The following NMNAT2 variants were observed in gnomAD, a reference collection of about 807,000 sequenced individuals.
The protein encoded by NMNAT2 is nicotinamide nucleotide adenylyltransferase 2.
A neutral mutation model predicts 41.6 loss-of-function variants in NMNAT2; 11 were observed. The observed-to-expected ratio is 0.26, with a 90% confidence interval of 0.17 to 0.44. NMNAT2 has a LOEUF of 0.44. Among genes scored for constraint, NMNAT2 ranks in the 20% least tolerant of loss-of-function variants. The pLI is 1.00. For missense variants in NMNAT2, 288 were observed against 407.7 expected, an observed-to-expected ratio of 0.71 and a Z score of 2.53; for synonymous variants, 148 against 151.2, an observed-to-expected ratio of 0.98 and a Z score of 0.16.
At chr1:183,317,000 G>A (rs1662267811) in intron 1 of NMNAT2, among the ~76,000 whole-genome samples, 1 of 152,154 alleles carries the variant, frequency 6.6e-6, no homozygotes, top group Admixed American at 6.5e-5. Flanking sequence ...CACTAGACCT[G>A]TGCACATTTG....
Position 183,283,999 on chromosome 1 carries a change from C to T in NMNAT2, c.570G>A (p.Glu190=). 6.2e-7 allele frequency: 1 copy of T among 1,614,050 alleles called. No individual in the cohort carries two copies. The highest frequency in any genetic ancestry group is 8.5e-7 in the Non-Finnish European group (1 of 1,179,980). ...ANLGTVMRYE[E]IELRILLLCG... is the part of the protein sequence containing the mutation. ...CACTTTCGCAGTCCCACTCACCAATCTCTTCATACCGCATCACCGTGCCCA... is the reference window on the plus strand; with the variant it reads ...CACTTTCGCAGTCCCACTCACCAATTTCTTCATACCGCATCACCGTGCCCA... The change falls in exon 7 of 11, where the codon GAG becomes GAA. Residue 190 remains glutamate, a synonymous_variant. Coordinates refer to ENST00000287713, the MANE Select transcript of NMNAT2 (RefSeq NM_015039.4).
At chr1:183,299,858 C>T (rs149194500) in intron 1 of NMNAT2, among the ~76,000 whole-genome samples, 78 of 152,192 alleles carry the variant, frequency 5.1e-4, no homozygotes, top group African/African-American at 1.7e-3. Flanking sequence ...TATACATACA[C>T]CTTTTACCAA....
At chr1:183,368,082 A>G (rs1428874608) in intron 1 of NMNAT2, among the ~76,000 whole-genome samples, 4 of 152,206 alleles carry the variant, frequency 2.6e-5, no homozygotes, top group African/African-American at 9.6e-5. Flanking sequence ...TTTGTTTCTT[A>G]TTTCAATTTC....
At chr1:183,282,063 C>T (rs1420927951) in intron 7 of NMNAT2, among the ~76,000 whole-genome samples, 1 of 152,242 alleles carries the variant, frequency 6.6e-6, no homozygotes, top group East Asian at 1.9e-4. Flanking sequence ...CATGCAGCCA[C>T]CACCTGGACC....
intron 7 of NMNAT2, among the ~76,000 whole-genome samples, chr1:183,282,641 G>A (rs1411795737): frequency 6.6e-6 from 1 of 152,216 alleles, no homozygotes; most frequent in African/African-American, 2.4e-5. Context: ...GACCAGGCTG[G>A]AACTGCAGGG....
At chr1:183,282,132 C>T (rs1347749161) in intron 7 of NMNAT2, among the ~76,000 whole-genome samples, 1 of 152,214 alleles carries the variant, frequency 6.6e-6, no homozygotes, top group African/African-American at 2.4e-5. Context: ...TTTCTCGGAA[C>T]CTAAGTGTTC....
intron 8 of NMNAT2, among the ~76,000 whole-genome samples, chr1:183,277,512 CAA>C (rs759856572): frequency 0.088 from 4,189 of 47,432 alleles, 84 homozygotes; most frequent in African/African-American, 0.2. Flanking sequence ...GACTCCGTCT[CAA>C]AAAAAAAAAA....
intron 1 of NMNAT2, among the ~76,000 whole-genome samples, chr1:183,314,489 C>T (rs1662197354): frequency 6.6e-6 from 1 of 152,170 alleles, no homozygotes; most frequent in African/African-American, 2.4e-5. Flanking sequence ...TCTTTGCATC[C>T]CCAGCATCTT....
chr1:183,278,772 T>C, intron 7 of NMNAT2, 143 bp from the exon 8 acceptor site: 2 of 656,106 alleles, frequency 3.0e-6, no homozygotes, highest in Non-Finnish European at 5.6e-6. Context: ...CCTCTGCCCC[T>C]GAGTGTGTGC....
At chr1:183,326,437 G>T (rs1557878982) in intron 1 of NMNAT2, among the ~76,000 whole-genome samples, 1 of 150,018 alleles carries the variant, frequency 6.7e-6, no homozygotes, top group Admixed American at 6.7e-5. Flanking sequence ...ATGGTTGCAA[G>T]GGAAAATATG....
chr1:183,257,372 C>T (rs967512916), intron 10 of NMNAT2, among the ~76,000 whole-genome samples: 23 of 152,152 alleles, frequency 1.5e-4, no homozygotes, highest in Non-Finnish European at 2.2e-4. Flanking sequence ...ACCCGGGACG[C>T]GGAGGTTGCA....
chr1:183,384,007 T>C (rs1421386757), intron 1 of NMNAT2, among the ~76,000 whole-genome samples: 2 of 152,206 alleles, frequency 1.3e-5, no homozygotes, highest in Admixed American at 1.3e-4. Flanking sequence ...CATTTTCACA[T>C]TGTTATAAAG....
chr1:183,260,819 C>CAAAAAAAA (rs35660466), intron 10 of NMNAT2, among the ~76,000 whole-genome samples, 183 bp downstream of exon 10: 1 of 74,994 alleles, frequency 1.3e-5, no homozygotes. Flanking sequence ...GACGCTGTCT[C>CAAAAAAAA]AAAAAAAAAA....
chr1:183,287,177 G>A (rs1661422337), intron 4 of NMNAT2, among the ~76,000 whole-genome samples: 1 of 152,154 alleles, frequency 6.6e-6, no homozygotes, highest in Non-Finnish European at 1.5e-5. Context: ...ACCCATGGCA[G>A]GAGCTCTGTC....
intron 8 of NMNAT2, among the ~76,000 whole-genome samples, chr1:183,270,556 A>G (rs1660959977): frequency 6.6e-6 from 1 of 151,840 alleles, no homozygotes; most frequent in African/African-American, 2.4e-5. Context: ...AGAGAGAACC[A>G]TTCTTAAGAG....
In NMNAT2 at chr1:183,293,501, T is replaced by C. The variant is rs572558085; in HGVS notation, c.174+204A>G. 1.1e-3 allele frequency among the ~76,000 whole-genome samples: 165 copies of C among 152,344 alleles called. 2 individuals are homozygous for C. The highest frequency in any genetic ancestry group is 3.9e-3 in the African/African-American group (161 of 41,584). ...TCTACGGTCATGGACAGCTGGTCTT[T>C]CCAGCTACTGCTTCAACGCCCATCC... On this transcript the variant is annotated intron_variant, in intron 2 of 10. Transcript: ENST00000287713.
intron 1 of NMNAT2, among the ~76,000 whole-genome samples, chr1:183,309,817 T>A (rs1402986542): frequency 6.6e-6 from 1 of 152,196 alleles, no homozygotes; most frequent in Non-Finnish European, 1.5e-5. Flanking sequence ...CACAGCCTCA[T>A]GCTCTTAAGT....
At position 183,274,487 on chromosome 1, in the gene NMNAT2, A is replaced by G. The variant is rs568175128; in HGVS notation, c.651+4066T>C. Among the ~76,000 whole-genome samples the G allele has an allele frequency of 6.6e-5, 10 of 151,510 alleles. No homozygotes were observed. The South Asian group carries it at 2.1e-3, about 32-fold the overall frequency. ...CCACCATGCCCGGCTAATTTTTTGT[A>G]TTTTTAGTAGAGATGGGGTTTCACC... On this transcript the variant is annotated intron_variant, in intron 8 of 10. Transcript: ENST00000287713.
intron 1 of NMNAT2, among the ~76,000 whole-genome samples, chr1:183,403,022 C>T (rs1205859400): frequency 1.3e-5 from 2 of 151,354 alleles, no homozygotes; most frequent in Admixed American, 6.6e-5. Flanking sequence ...CAAACTCCGC[C>T]TCCCAGGTTC....
Sources: allele counts gnomAD v4.1 joint callset (sites outside exome capture counted in the v4.1 genomes callset), GRCh38; gene constraint gnomAD v4.1.1; transcripts MANE v1.5; gene names NCBI Gene and HGNC (gene_info 2026-07-23, HGNC 2026-07-21).